Variants in LHFPL2 observed in about 807,000 individuals in gnomAD.
The protein encoded by LHFPL2 is LHFPL tetraspan subfamily member 2.
A neutral mutation model predicts 17.5 loss-of-function variants in LHFPL2; 7 were observed. The observed-to-expected ratio is 0.40, with a 90% CI of 0.23 to 0.75. The LOEUF (loss-of-function observed/expected upper bound fraction) is 0.75, where lower values mean the gene tolerates loss of function less well. LHFPL2 is among the 30% of genes least tolerant of loss of function. The probability of loss-of-function intolerance (pLI) is 0.37; values close to 1 mark genes in which losing one functional copy is unlikely to be tolerated. For missense variants in LHFPL2, 241 were observed against 294.8 expected, an observed-to-expected ratio of 0.82 and a Z score of 1.34; for synonymous variants, 134 against 116.2, an observed-to-expected ratio of 1.15 and a Z score of -0.99.
chr5:78,633,674 G>T (rs972913195), intron 1 of LHFPL2, among the ~76,000 whole-genome samples: 2 of 152,192 alleles, frequency 1.3e-5, no homozygotes, highest in Non-Finnish European at 2.9e-5. Flanking sequence ...CACAAAGCTG[G>T]TTTTTACGCA....
chr5:78,558,621 G>A (rs936506847), intron 3 of LHFPL2, among the ~76,000 whole-genome samples: 1 of 152,150 alleles, frequency 6.6e-6, no homozygotes, highest in South Asian at 2.1e-4. Context: ...GATTACAGGT[G>A]CATGTCTGTG....
At chr5:78,527,556 C>T (rs1488363534) in intron 3 of LHFPL2, among the ~76,000 whole-genome samples, 1 of 151,788 alleles carries the variant, frequency 6.6e-6, no homozygotes, top group African/African-American at 2.4e-5. Flanking sequence ...CTCGTTATTT[C>T]ACCAGACCCT....
rs1745869877 is a variant in LHFPL2 at position 78,646,103 on chromosome 5, A to T, written c.-350+2396T>A. ...TACCTGAAGCTGCCATTGCAACAGG[A>T]CATGTAGCTTGGAATTGCAAGCCAC... On this transcript the variant is annotated intron_variant, in intron 1 of 4. Transcript: ENST00000380345. Among the ~76,000 whole-genome samples, 3 of 152,232 alleles carry T rather than the reference A, an allele frequency of 2.0e-5. No individual in the cohort carries two copies. In the South Asian group the frequency reaches 6.2e-4, roughly 32 times the overall value.
At chr5:78,617,501 T>A (rs1489220027) in intron 2 of LHFPL2, among the ~76,000 whole-genome samples, 1 of 152,130 alleles carries the variant, frequency 6.6e-6, no homozygotes, top group Admixed American at 6.5e-5. Context: ...TGTGCACCCA[T>A]GGGTGCAATT....
intron 3 of LHFPL2, among the ~76,000 whole-genome samples, chr5:78,532,892 G>T (rs1385674479): frequency 1.3e-5 from 2 of 152,152 alleles, no homozygotes; most frequent in African/African-American, 4.8e-5. Context: ...TTCCCCAATG[G>T]TGAGCCAGGC....
Position 78,552,857 on chromosome 5 carries a change from G to A in LHFPL2, c.-186+11956C>T, listed in dbSNP as rs1270351254. Among the ~76,000 whole-genome samples the A allele has an allele frequency of 7.2e-5, 11 of 152,184 alleles. No homozygotes were observed. The East Asian group carries it at 1.3e-3, about 19-fold the overall frequency. On this transcript the variant is annotated intron_variant, in intron 3 of 4. Coordinates refer to ENST00000380345, the MANE Select transcript of LHFPL2 (RefSeq NM_005779.3). ...AATTTCTCCTTCAACAAAGCGTCAC[G>A]GGCTATACAGAATCGCCAACCAGCC...
chr5:78,496,420 TAGC>T (rs1267655534), intron 4 of LHFPL2, among the ~76,000 whole-genome samples: 67 of 152,246 alleles, frequency 4.4e-4, no homozygotes, highest in African/African-American at 1.6e-3. Context: ...TTTAGGAACA[TAGC>T]AGCCCATCTA....
At chr5:78,586,170 A>G (rs1424972727) in intron 2 of LHFPL2, among the ~76,000 whole-genome samples, 1 of 152,168 alleles carries the variant, frequency 6.6e-6, no homozygotes, top group Non-Finnish European at 1.5e-5. Context: ...GTAACTGTCC[A>G]CTTTCCTCTC....
chr5:78,647,011 T>C (rs1280583006), intron 1 of LHFPL2, among the ~76,000 whole-genome samples: 4 of 152,220 alleles, frequency 2.6e-5, no homozygotes, highest in Non-Finnish European at 5.9e-5. Flanking sequence ...GCTGCACCCT[T>C]TGCAAACCAC....
chr5:78,550,670 A>C (rs1293412363), intron 3 of LHFPL2, among the ~76,000 whole-genome samples: 4 of 152,176 alleles, frequency 2.6e-5, no homozygotes, highest in Non-Finnish European at 4.4e-5. Context: ...TCCCGGGTTC[A>C]AGAAATTCTC....
chr5:78,610,991 G>A (rs539213687), intron 2 of LHFPL2, among the ~76,000 whole-genome samples: 11 of 152,222 alleles, frequency 7.2e-5, no homozygotes, highest in African/African-American at 2.4e-4. Flanking sequence ...GAGTGGTGCA[G>A]CTCTGATTCA....
At chr5:78,636,463 C>T (rs1461985976) in intron 1 of LHFPL2, among the ~76,000 whole-genome samples, 1 of 152,144 alleles carries the variant, frequency 6.6e-6, no homozygotes, top group African/African-American at 2.4e-5. Flanking sequence ...GACTTTGCCC[C>T]TAAGGTAAGG....
intron 2 of LHFPL2, among the ~76,000 whole-genome samples, chr5:78,598,848 T>C (rs1233619707): frequency 1.3e-5 from 2 of 152,242 alleles, no homozygotes; most frequent in Non-Finnish European, 2.9e-5. Flanking sequence ...ACTGCATGAA[T>C]TATTTTCTTC....
chr5:78,534,604 C>T lies in LHFPL2; in HGVS notation c.-185-24206G>A, dbSNP rs113112546. ...AGGAACAGAACAGTGGAACTCCAGACGTAGGGCCCATCTTCCCTCCTTCCC... is the reference window on the plus strand; with the variant it reads ...AGGAACAGAACAGTGGAACTCCAGATGTAGGGCCCATCTTCCCTCCTTCCC... On this transcript the variant is annotated intron_variant, in intron 3 of 4. Transcript: ENST00000380345. Among the ~76,000 whole-genome samples the T allele has an allele frequency of 7.2e-3, 1,097 of 152,336 alleles. 2 individuals carry two copies. Among genetic ancestry groups the T allele is most frequent in the Middle Eastern group, 0.02 (6 of 294 alleles).
At chr5:78,577,802 C>A (rs1757169504) in intron 2 of LHFPL2, among the ~76,000 whole-genome samples, 1 of 143,606 alleles carries the variant, frequency 7.0e-6, no homozygotes, top group South Asian at 2.2e-4. Flanking sequence ...GTCCTTTGAG[C>A]TTTTTTTTTT....
chr5:78,512,500 G>GA (rs943062852), intron 3 of LHFPL2, among the ~76,000 whole-genome samples: 27 of 151,596 alleles, frequency 1.8e-4, no homozygotes, highest in Non-Finnish European at 4.4e-5. Flanking sequence ...AGCCTTTTGA[G>GA]AAAAAAGTTA....
At chr5:78,591,234 CT>C (rs1743616200) in intron 2 of LHFPL2, among the ~76,000 whole-genome samples, 1 of 152,162 alleles carries the variant, frequency 6.6e-6, no homozygotes, top group South Asian at 2.1e-4. Context: ...GCCTAACCCC[CT>C]AATGACCAAT....
chr5:78,596,236 TAC>T (rs1385832845), intron 2 of LHFPL2, among the ~76,000 whole-genome samples: 4 of 152,170 alleles, frequency 2.6e-5, no homozygotes, highest in African/African-American at 9.7e-5. Flanking sequence ...TGAAAAGATA[TAC>T]AGTTACAAGA....
intron 2 of LHFPL2, among the ~76,000 whole-genome samples, chr5:78,588,263 TG>T (rs552914641): frequency 5.0e-4 from 76 of 152,346 alleles, no homozygotes; most frequent in Non-Finnish European, 8.8e-4. Flanking sequence ...CTGCAACTCC[TG>T]GGATCAAGTG....
Sources: allele counts gnomAD v4.1 joint callset (sites outside exome capture counted in the v4.1 genomes callset), GRCh38; gene constraint gnomAD v4.1.1; transcripts MANE v1.5; gene names NCBI Gene and HGNC (gene_info 2026-07-23, HGNC 2026-07-21).